GREM2: variants seen among roughly 807,000 people sequenced by gnomAD.
The protein encoded by GREM2 is gremlin-2.
A neutral mutation model predicts 14.2 loss-of-function variants in GREM2; 11 were observed. The ratio of observed to expected loss-of-function variants is 0.78; its 90% CI spans 0.49 to 1.28. The LOEUF (loss-of-function observed/expected upper bound fraction) is 1.28. Among genes scored for constraint, GREM2 ranks in the 50% most tolerant of loss-of-function variants. GREM2 has a pLI of 0.00. For missense variants in GREM2, 210 were observed against 218.5 expected, an observed-to-expected ratio of 0.96 and a Z score of 0.24; for synonymous variants, 98 against 97.6, an observed-to-expected ratio of 1.00 and a Z score of -0.02.
chr1:240,608,823 G>T (rs1164430716), intron 1 of GREM2, among the ~76,000 whole-genome samples: 4 of 152,254 alleles, frequency 2.6e-5, no homozygotes, highest in African/African-American at 7.2e-5. Flanking sequence ...AGGGAAGAGG[G>T]CACTTCAAGT....
chr1:240,558,248 T>C lies in GREM2; in HGVS notation c.-2+53636A>G, dbSNP rs533925583. ...TGTTATGGAAAGAGATAGAGGAAGA[T>C]AACCGAAGAATCAGCTGGAAACTTT... On this transcript the variant is annotated intron_variant, in intron 1 of 1. Transcript: ENST00000318160. Among the ~76,000 whole-genome samples the C allele has an allele frequency of 4.1e-4, 63 of 152,118 alleles. 1 individual carries two copies. The highest frequency in any genetic ancestry group is 6.8e-3 in the Middle Eastern group (2 of 294).
chr1:240,611,847 C>A (rs1352783468), intron 1 of GREM2, 37 bp downstream of exon 1: 1 of 152,638 alleles, frequency 6.6e-6, no homozygotes, highest in Non-Finnish European at 1.5e-5. Context: ...AATCAGAAAC[C>A]GTGTCTGTGT....
At chr1:240,581,932 C>T (rs1679493889) in intron 1 of GREM2, among the ~76,000 whole-genome samples, 1 of 152,192 alleles carries the variant, frequency 6.6e-6, no homozygotes, top group Non-Finnish European at 1.5e-5. Flanking sequence ...TATTTAGAGC[C>T]TGCAAGGCAA....
chr1:240,516,969 T>C (rs532685577), intron 1 of GREM2, among the ~76,000 whole-genome samples: 5 of 152,290 alleles, frequency 3.3e-5, no homozygotes, highest in African/African-American at 1.2e-4. Context: ...GAACACTTGG[T>C]GAACACTTTA....
chr1:240,577,260 C>T lies in GREM2; in HGVS notation c.-2+34624G>A, dbSNP rs372104025. The stretch of plus-strand genomic sequence containing the variant: ...GAGTCGGCCATAAAAGTGATGTTGT[C>T]GCAACTTATTTCAACAAAGAAAAAG... On this transcript the variant is annotated intron_variant, in intron 1 of 1. Transcript: ENST00000318160. Among the ~76,000 whole-genome samples, 27 of 151,930 alleles carry T rather than the reference C, an allele frequency of 1.8e-4. No individual in the cohort carries two copies. In the East Asian group the frequency reaches 3.1e-3, roughly 17 times the overall value.
intron 1 of GREM2, among the ~76,000 whole-genome samples, chr1:240,582,327 C>T (rs4500302): frequency 0.26 from 39,837 of 151,896 alleles, 5,835 homozygotes; most frequent in African/African-American, 0.39. Flanking sequence ...CCCAACTATT[C>T]GGGAGGCTGA....
intron 1 of GREM2, among the ~76,000 whole-genome samples, chr1:240,600,949 A>G (rs902921744): frequency 1.3e-5 from 2 of 152,160 alleles, no homozygotes; most frequent in African/African-American, 2.4e-5. Flanking sequence ...TCTTCCTCCA[A>G]ATAATTATTA....
intron 1 of GREM2, among the ~76,000 whole-genome samples, chr1:240,548,589 T>C (rs889274892): frequency 2.0e-5 from 3 of 152,122 alleles, no homozygotes; most frequent in African/African-American, 7.2e-5. Context: ...AATATATGAG[T>C]CCAGTTTAAG....
chr1:240,542,652 A>G lies in GREM2; in HGVS notation c.-1-49176T>C, dbSNP rs1271055579. On this transcript the variant is annotated intron_variant, in intron 1 of 1. Transcript: ENST00000318160. The surrounding 1 kb of genome is among the most constrained non-coding windows in gnomAD (Gnocchi z 4.1). ...TAAATAAATAAATAAAAATTTCTAA[A>G]GAGCTGATATATTTTTCTCAGAAGG... Among the ~76,000 whole-genome samples the G allele has an allele frequency of 6.6e-6, 1 of 151,894 alleles. No homozygotes were observed. Among genetic ancestry groups the G allele is most frequent in the African/African-American group, 2.4e-5 (1 of 41,404 alleles).
At chr1:240,591,374 A>G (rs1679711891) in intron 1 of GREM2, among the ~76,000 whole-genome samples, 1 of 152,172 alleles carries the variant, frequency 6.6e-6, no homozygotes, top group Non-Finnish European at 1.5e-5. Flanking sequence ...AGTGGAATTA[A>G]TGTTGTTAGA....
chr1:240,553,595 T>C (rs1678897698), intron 1 of GREM2, among the ~76,000 whole-genome samples: 1 of 152,218 alleles, frequency 6.6e-6, no homozygotes, highest in Non-Finnish European at 1.5e-5. Flanking sequence ...TAACACTTCA[T>C]GTTTAATGCA....
At chr1:240,498,531 C>A (rs1677485271) in intron 1 of GREM2, among the ~76,000 whole-genome samples, 2 of 152,216 alleles carry the variant, frequency 1.3e-5, no homozygotes, top group South Asian at 4.1e-4. Context: ...CTAACGGCAC[C>A]TACACTGCTG....
intron 1 of GREM2, among the ~76,000 whole-genome samples, chr1:240,598,856 C>A (rs114609125): frequency 2.0e-5 from 3 of 152,136 alleles, no homozygotes; most frequent in Non-Finnish European, 4.4e-5. Context: ...GTGCATAGTC[C>A]ATCTGGCTAC....
chr1:240,500,959 C>A (rs1185663652), intron 1 of GREM2, among the ~76,000 whole-genome samples: 1 of 152,132 alleles, frequency 6.6e-6, no homozygotes, highest in East Asian at 1.9e-4. Flanking sequence ...TACCAGTATC[C>A]TTTCCCCTGG....
intron 1 of GREM2, among the ~76,000 whole-genome samples, chr1:240,610,695 C>T (rs1322997235): frequency 1.3e-5 from 2 of 152,138 alleles, no homozygotes; most frequent in African/African-American, 4.8e-5. Flanking sequence ...TGGATATGAT[C>T]GACTAAGACT....
intron 1 of GREM2, among the ~76,000 whole-genome samples, chr1:240,603,831 A>ATT (rs991687108): frequency 6.8e-6 from 1 of 147,620 alleles, no homozygotes; most frequent in Non-Finnish European, 1.5e-5. Flanking sequence ...TTATATATGT[A>ATT]TTTTATATAT....
chr1:240,549,204 C>T (rs1172540087), intron 1 of GREM2, among the ~76,000 whole-genome samples: 1 of 151,932 alleles, frequency 6.6e-6, no homozygotes, highest in Admixed American at 6.6e-5. Flanking sequence ...GGTGTGGTGG[C>T]ACATGCCTCT....
At chr1:240,611,083 A>G (rs1487370619) in intron 1 of GREM2, among the ~76,000 whole-genome samples, 1 of 151,994 alleles carries the variant, frequency 6.6e-6, no homozygotes, top group Non-Finnish European at 1.5e-5. Flanking sequence ...ATAAAAAAAA[A>G]AAAGAAATAG....
intron 1 of GREM2, among the ~76,000 whole-genome samples, chr1:240,596,065 T>G: frequency 6.6e-6 from 1 of 152,194 alleles, no homozygotes; most frequent in East Asian, 1.9e-4. Flanking sequence ...TCAGTTATTA[T>G]AGTAGAATAC....
Sources: gnomAD v4.1 joint callset for allele counts (sites outside exome capture counted in the v4.1 genomes callset) on GRCh38, gnomAD v4.1.1 for gene constraint, Gnocchi (gnomAD v3.1) non-coding constraint, MANE v1.5 for transcripts, NCBI Gene and HGNC (gene_info 2026-07-23, HGNC 2026-07-21) for gene names.